The following TMEM132D variants were observed in gnomAD, a reference collection of about 807,000 sequenced individuals.
TMEM132D encodes transmembrane protein 132D.
TMEM132D carries 21 observed loss-of-function variants against 62.3 expected under a neutral mutation model. That is an observed-to-expected ratio of 0.34 (90% CI 0.24 to 0.49). The LOEUF is 0.49. Among genes scored for constraint, TMEM132D ranks in the 20% least tolerant of loss-of-function variants. The pLI, the probability that TMEM132D is intolerant of heterozygous loss-of-function variation, is 0.99. For missense variants in TMEM132D, 1,346 were observed against 1,402.8 expected, an observed-to-expected ratio of 0.96 and a Z score of 0.65; for synonymous variants, 621 against 575.6, an observed-to-expected ratio of 1.08 and a Z score of -1.13.
At chr12:129,678,105 G>A (rs547748098) in intron 2 of TMEM132D, among the ~76,000 whole-genome samples, 5 of 144,004 alleles carry the variant, frequency 3.5e-5, no homozygotes, top group African/African-American at 1.3e-4. Flanking sequence ...TTCAGTATTT[G>A]TTGATATAAA....
chr12:129,535,777 CGTGT>C (rs779067793), intron 2 of TMEM132D, among the ~76,000 whole-genome samples: 106 of 74,690 alleles, frequency 1.4e-3, no homozygotes, highest in Non-Finnish European at 2.0e-3. Flanking sequence ...GATTTGTGTG[CGTGT>C]GTGTGTGTGT....
Position 129,811,482 on chromosome 12 carries a change from C to T in TMEM132D, c.79+91779G>A, listed in dbSNP as rs550041906. ...AGCAAGAGGACTCTCCAACTCATGGCTCTCAGTTCCTTCACCCCATCTTTA... is the reference window on the plus strand; with the variant it reads ...AGCAAGAGGACTCTCCAACTCATGGTTCTCAGTTCCTTCACCCCATCTTTA... On this transcript the variant is annotated intron_variant, in intron 1 of 8. Coordinates refer to ENST00000422113, the MANE Select transcript of TMEM132D (RefSeq NM_133448.3). Among the ~76,000 whole-genome samples, 66 of 151,848 alleles carry T rather than the reference C, an allele frequency of 4.3e-4. 1 individual carries two copies. The highest frequency in any genetic ancestry group is 6.8e-3 in the Middle Eastern group (2 of 294).
At chr12:129,356,586 G>A (rs1321115114) in intron 3 of TMEM132D, among the ~76,000 whole-genome samples, 1 of 151,442 alleles carries the variant, frequency 6.6e-6, no homozygotes, top group Non-Finnish European at 1.5e-5. Context: ...GGGAGGCCTA[G>A]GCGGGAGGGC....
At chr12:129,304,935 A>C (rs1346842082) in intron 4 of TMEM132D, among the ~76,000 whole-genome samples, 1 of 152,166 alleles carries the variant, frequency 6.6e-6, no homozygotes, top group Non-Finnish European at 1.5e-5. Flanking sequence ...AAGTGCTGGA[A>C]TTACAGGCAT....
intron 1 of TMEM132D, among the ~76,000 whole-genome samples, chr12:129,894,870 T>G (rs1271450132): frequency 1.3e-5 from 2 of 152,180 alleles, no homozygotes; most frequent in African/African-American, 2.4e-5. Flanking sequence ...CAAGTCAGCG[T>G]GTGTGATCTA....
intron 4 of TMEM132D, among the ~76,000 whole-genome samples, chr12:129,331,970 G>T (rs1232015699): frequency 6.6e-6 from 1 of 152,194 alleles, no homozygotes; most frequent in Non-Finnish European, 1.5e-5. Flanking sequence ...CAGCATTTTG[G>T]GAGGCAGAGG....
chr12:129,347,221 A>G (rs1869714940), intron 3 of TMEM132D, among the ~76,000 whole-genome samples: 1 of 152,220 alleles, frequency 6.6e-6, no homozygotes, highest in Non-Finnish European at 1.5e-5. Context: ...TAAATTTCAT[A>G]TGGAACCAAA....
At chr12:129,318,181 T>C (rs1239218448) in intron 4 of TMEM132D, among the ~76,000 whole-genome samples, 1 of 152,152 alleles carries the variant, frequency 6.6e-6, no homozygotes, top group Non-Finnish European at 1.5e-5. Context: ...CCATTGCTGG[T>C]GAACTAGCAT....
chr12:129,813,611 G>GATATATAT lies in TMEM132D; in HGVS notation c.79+89642_79+89649dup, dbSNP rs3046846. On this transcript the variant is annotated intron_variant, in intron 1 of 8. Transcript: ENST00000422113. The stretch of plus-strand genomic sequence containing the variant: ...AAGGATGGACGGATACAGAAAATGT[G>GATATATAT]ATATATATATATATATATATTTTCA... 1.3e-3 allele frequency among the ~76,000 whole-genome samples: 180 copies of GATATATAT among 136,678 alleles called. 16 individuals are homozygous for GATATATAT. In the East Asian group the frequency reaches 0.029, roughly 22 times the overall value. 89.7% of individuals were successfully genotyped at this position (136,678 alleles called of 152,430 possible). A position where few individuals can be genotyped will look rare whatever the true frequency, so the allele number is the denominator to read the frequency against.
At chr12:129,884,025 G>C (rs547756253) in intron 1 of TMEM132D, among the ~76,000 whole-genome samples, 346 of 152,220 alleles carry the variant, frequency 2.3e-3, no homozygotes, top group African/African-American at 7.9e-3. Context: ...TCAACCTCCT[G>C]AGCTAAAGCG....
intron 3 of TMEM132D, among the ~76,000 whole-genome samples, chr12:129,385,642 C>G (rs754778739): frequency 1.1e-4 from 17 of 151,278 alleles, no homozygotes; most frequent in South Asian, 2.1e-4. Context: ...CATATCAGAT[C>G]TTCTGTGTTC....
chr12:129,649,245 C>T (rs991691744), intron 2 of TMEM132D, among the ~76,000 whole-genome samples: 7 of 152,148 alleles, frequency 4.6e-5, no homozygotes, highest in Non-Finnish European at 2.9e-5. Context: ...ACAACAGAGA[C>T]GAACAAGGTG....
chr12:129,552,871 CTATT>C (rs1876939246), intron 2 of TMEM132D, among the ~76,000 whole-genome samples: 1 of 152,148 alleles, frequency 6.6e-6, no homozygotes. Context: ...ATCTACCTAT[CTATT>C]TATCGATCAG....
At chr12:129,582,441 C>T (rs1877896170) in intron 2 of TMEM132D, among the ~76,000 whole-genome samples, 1 of 152,174 alleles carries the variant, frequency 6.6e-6, no homozygotes, top group Non-Finnish European at 1.5e-5. Flanking sequence ...GTGTCAGGCA[C>T]TGGAAACGTA....
intron 1 of TMEM132D, among the ~76,000 whole-genome samples, chr12:129,791,702 C>G (rs1001610173): frequency 1.3e-5 from 2 of 152,064 alleles, no homozygotes; most frequent in Non-Finnish European, 2.9e-5. Context: ...TTCCAAGAAC[C>G]AAGGTTATGA....
At chr12:129,610,277 C>CA (rs34621276) in intron 2 of TMEM132D, among the ~76,000 whole-genome samples, 2,545 of 108,666 alleles carry the variant, frequency 0.023, 72 homozygotes, top group African/African-American at 0.082. Context: ...GGCTCTGTCT[C>CA]AAAAAAAAAA....
intron 3 of TMEM132D, among the ~76,000 whole-genome samples, chr12:129,507,754 C>T (rs1453636475): frequency 6.6e-6 from 1 of 152,134 alleles, no homozygotes; most frequent in Non-Finnish European, 1.5e-5. Context: ...AAATTGAGTG[C>T]AGTGTATACT....
In TMEM132D at chr12:129,337,817, A is replaced by T. The variant is rs1593342482; in HGVS notation, c.1116T>A (p.Ser372Arg). 3 of 1,605,234 alleles carry T rather than the reference A, an allele frequency of 1.9e-6. No individual in the cohort carries two copies. Among genetic ancestry groups the T allele is most frequent in the African/African-American group, 1.3e-5 (1 of 74,902 alleles). Reference sequence around the variant, plus strand: ...TGACCTCGTAGGAGGCGCCATCCGCACTGGAGAGAAGACACAGAGGAGAAC... The same window carrying T: ...TGACCTCGTAGGAGGCGCCATCCGCTCTGGAGAGAAGACACAGAGGAGAAC... ...CQKKAAGSEN[S>R]ADGASYEVMQ... The change falls in exon 4 of 9, where the codon AGT becomes AGA. Residue 372 changes from serine to arginine, a missense_variant and splice_region_variant. Coordinates refer to ENST00000422113, the MANE Select transcript of TMEM132D (RefSeq NM_133448.3).
At chr12:129,125,234 T>C (rs1044558790) in intron 5 of TMEM132D, among the ~76,000 whole-genome samples, 28 of 152,246 alleles carry the variant, frequency 1.8e-4, no homozygotes, top group African/African-American at 6.3e-4. Context: ...AACACACTTC[T>C]GAGATGCTAT....
Sources: allele counts gnomAD v4.1 joint callset (sites outside exome capture counted in the v4.1 genomes callset), GRCh38; gene constraint gnomAD v4.1.1; transcripts MANE v1.5; gene names NCBI Gene and HGNC (gene_info 2026-07-23, HGNC 2026-07-21).